The following SAMD12 variants were observed in gnomAD, a reference collection of about 807,000 sequenced individuals.
SAMD12 encodes sterile alpha motif domain-containing protein 12.
In SAMD12, 9 loss-of-function variants were observed where a neutral mutation model predicts 15.0. The observed-to-expected ratio is 0.60, with a 90% CI of 0.36 to 1.05. The LOEUF (loss-of-function observed/expected upper bound fraction) is 1.05, where lower values mean the gene tolerates loss of function less well. Among genes scored for constraint, SAMD12 ranks in the 50% least tolerant of loss-of-function variants. SAMD12 has a pLI of 0.01. For synonymous variants in SAMD12, 86 were observed against 90.1 expected (o/e 0.96, Z 0.25); for missense variants, 230 against 234.2 (o/e 0.98, Z 0.12).
chr8:118,391,716 T>TTATCAGTATC (rs1263592611), intron 3 of SAMD12, among the ~76,000 whole-genome samples: 2 of 152,236 alleles, frequency 1.3e-5, no homozygotes, highest in East Asian at 3.8e-4. Context: ...ATGATAAATG[T>TTATCAGTATC]TATCAGTATC....
At chr8:118,420,063 G>C (rs4130593) in intron 3 of SAMD12, among the ~76,000 whole-genome samples, 52,344 of 152,102 alleles carry the variant, frequency 0.34, 9,361 homozygotes, top group Non-Finnish European at 0.38. Context: ...CATCTACAGA[G>C]GACAGTGACA....
the SAMD12 span, among the ~76,000 whole-genome samples, chr8:118,170,109 G>A: frequency 1.3e-5 from 2 of 152,022 alleles, no homozygotes; most frequent in African/African-American, 2.4e-5. Context: ...GTTTATTATA[G>A]ACTTGGAAAT....
chr8:118,549,898 C>A (rs1432290314), intron 2 of SAMD12, among the ~76,000 whole-genome samples: 1 of 151,666 alleles, frequency 6.6e-6, no homozygotes, highest in African/African-American at 2.4e-5. Flanking sequence ...CCTCAGGAGC[C>A]GATGCGATCA....
intron 4 of SAMD12, among the ~76,000 whole-genome samples, chr8:118,310,669 A>G (rs1011442027): frequency 7.9e-5 from 12 of 152,212 alleles, no homozygotes; most frequent in African/African-American, 2.9e-4. Flanking sequence ...TTGTTGAGGC[A>G]GAGAGAGAGT....
At chr8:118,369,731 T>C (rs560101918) in intron 4 of SAMD12, among the ~76,000 whole-genome samples, 2 of 150,678 alleles carry the variant, frequency 1.3e-5, no homozygotes, top group East Asian at 2.0e-4. Context: ...AAATAAAATA[T>C]AAAAAACCCA....
the SAMD12 span, among the ~76,000 whole-genome samples, chr8:118,178,310 T>G: frequency 6.6e-6 from 1 of 152,032 alleles, no homozygotes; most frequent in Admixed American, 6.6e-5. Flanking sequence ...TTAAAGACCA[T>G]AGACACACTT....
chr8:118,502,246 A>G (rs1046386592), intron 2 of SAMD12, among the ~76,000 whole-genome samples: 2 of 152,208 alleles, frequency 1.3e-5, no homozygotes, highest in East Asian at 3.8e-4. Flanking sequence ...TTTTAGGTTC[A>G]ATATATAAAT....
chr8:118,488,800 G>A (rs1325147255), intron 2 of SAMD12, among the ~76,000 whole-genome samples: 6 of 152,174 alleles, frequency 3.9e-5, no homozygotes, highest in African/African-American at 1.4e-4. Context: ...GGTATTTTGA[G>A]TAAAGCTGCT....
Position 118,486,230 on chromosome 8 carries a change from C to A in SAMD12, c.193-46269G>T, listed in dbSNP as rs373654545. ...GAGATAGAGACCATCCTGGCTAACA[C>A]GGTGAAACTCCGTCTCTACTAAAAA... On this transcript the variant is annotated intron_variant, in intron 2 of 3. Coordinates refer to ENST00000314727, the MANE Select transcript of SAMD12 (RefSeq NM_207506.3). 3.3e-5 allele frequency among the ~76,000 whole-genome samples: 5 copies of A among 151,132 alleles called. 1 individual carries two copies. Among genetic ancestry groups the A allele is most frequent in the Admixed American group, 3.3e-4 (5 of 15,160 alleles).
intron 4 of SAMD12, among the ~76,000 whole-genome samples, chr8:118,221,945 C>G (rs766263077): frequency 1.3e-5 from 2 of 152,146 alleles, no homozygotes; most frequent in African/African-American, 4.8e-5. Context: ...GTTCCTGGAA[C>G]AGAGAAGAAC....
intron 4 of SAMD12, among the ~76,000 whole-genome samples, chr8:118,352,744 G>A (rs1290839594): frequency 2.6e-5 from 4 of 152,160 alleles, no homozygotes; most frequent in Admixed American, 6.5e-5. Context: ...TTTTAAAGAA[G>A]AGCATTTTAT....
chr8:118,499,531 C>T (rs751482824), intron 2 of SAMD12, among the ~76,000 whole-genome samples: 15 of 152,178 alleles, frequency 9.9e-5, no homozygotes, highest in Non-Finnish European at 1.8e-4. Flanking sequence ...CTGCCTATCT[C>T]AGAGAGTGGA....
chr8:118,252,447 C>T (rs1340767094), intron 4 of SAMD12, among the ~76,000 whole-genome samples: 2 of 152,072 alleles, frequency 1.3e-5, no homozygotes, highest in African/African-American at 2.4e-5. Flanking sequence ...TTGGCAGAGC[C>T]AGGAGGAGCA....
At chr8:118,286,362 T>C (rs555658400) in intron 4 of SAMD12, among the ~76,000 whole-genome samples, 8 of 152,320 alleles carry the variant, frequency 5.3e-5, no homozygotes, top group Non-Finnish European at 1.2e-4. Context: ...CTCTCTGAGA[T>C]GCAGTTAGGG....
downstream of SAMD12, among the ~76,000 whole-genome samples, chr8:118,374,354 T>C (rs1160440486): frequency 6.6e-6 from 1 of 152,154 alleles, no homozygotes; most frequent in East Asian, 1.9e-4. Flanking sequence ...ATTTTGTATA[T>C]ATACCATGTT....
chr8:118,399,448 G>A (rs1215368491), intron 3 of SAMD12, among the ~76,000 whole-genome samples: 3 of 152,108 alleles, frequency 2.0e-5, no homozygotes, highest in Admixed American at 1.3e-4. Context: ...GATCTAAGAA[G>A]AGCCACCTTG....
intron 2 of SAMD12, among the ~76,000 whole-genome samples, chr8:118,451,031 T>C (rs929857598): frequency 6.6e-6 from 1 of 152,176 alleles, no homozygotes; most frequent in Non-Finnish European, 1.5e-5. Context: ...TCTTAAAAAC[T>C]TTACGTAAAT....
chr8:118,358,455 T>G (rs1268748077), intron 4 of SAMD12, among the ~76,000 whole-genome samples: 1 of 152,204 alleles, frequency 6.6e-6, no homozygotes, highest in Middle Eastern at 3.2e-3. Flanking sequence ...ATAGGTTTTT[T>G]CCAACAACCA....
At chr8:118,515,294 A>G (rs926858668) in intron 2 of SAMD12, among the ~76,000 whole-genome samples, 3 of 147,174 alleles carry the variant, frequency 2.0e-5, no homozygotes, top group Non-Finnish European at 3.0e-5. Flanking sequence ...CAGCCTCCCA[A>G]TGTTTAAAAG....
Sources: gnomAD v4.1 joint callset for allele counts (sites outside exome capture counted in the v4.1 genomes callset) on GRCh38, gnomAD v4.1.1 for gene constraint, MANE v1.5 for transcripts, NCBI Gene and HGNC (gene_info 2026-07-23, HGNC 2026-07-21) for gene names.